KLRC3: variants seen among roughly 807,000 people sequenced by gnomAD.
KLRC3 encodes the protein NKG2-E type II integral membrane protein.
KLRC3 carries 16 observed loss-of-function variants against 23.6 expected under a neutral mutation model. The ratio of observed to expected loss-of-function variants is 0.68; its 90% CI spans 0.46 to 1.03. The LOEUF is 1.03. KLRC3 is among the 50% of genes least tolerant of loss of function. The pLI is 0.00. For missense variants in KLRC3, 209 were observed against 232.2 expected, an observed-to-expected ratio of 0.90 and a Z score of 0.65; for synonymous variants, 70 against 71.8, an observed-to-expected ratio of 0.98 and a Z score of 0.13.
intron 5 of KLRC3, 150 bp from the exon 6 acceptor site, chr12:10,415,944 C>A (rs564720033): frequency 5.4e-5 from 34 of 630,988 alleles, no homozygotes; most frequent in Non-Finnish European, 9.2e-5. Flanking sequence ...TTATTCTGAA[C>A]ACTCAATACA....
chr12:10,418,293 T>C, intron 4 of KLRC3, 51 bp downstream of exon 4: 1 of 1,502,532 alleles, frequency 6.7e-7, no homozygotes, highest in Non-Finnish European at 9.2e-7. Flanking sequence ...ACAAATGTAT[T>C]ATTCACTGAA....
At chr12:10,416,312 A>G (rs2682497) in intron 5 of KLRC3, among the ~76,000 whole-genome samples, 2,111 of 152,250 alleles carry the variant, frequency 0.014, 43 homozygotes, top group African/African-American at 0.048. Context: ...ACAAATACAT[A>G]AGCTTTCTTA....
intron 6 of KLRC3, among the ~76,000 whole-genome samples, chr12:10,413,321 T>C (rs1408169558): frequency 2.0e-5 from 3 of 152,192 alleles, no homozygotes; most frequent in Non-Finnish European, 4.4e-5. Context: ...CACAAAGGAC[T>C]ACTAAGGGAA....
At chr12:10,418,605 G>A in intron 3 of KLRC3, 107 bp from the exon 4 acceptor site, 1 of 1,250,086 alleles carries the variant, frequency 8.0e-7, no homozygotes, top group Non-Finnish European at 1.1e-6. Context: ...ACATATTTAT[G>A]CATCCTTACA....
In KLRC3 at chr12:10,413,528, T is replaced by C. The variant is rs550798584; in HGVS notation, c.679-912A>G. ...GAAATCTGAGTAAACCCTACATGTATTGAAGAAATTCAGTTTAGCCATAAA... is the reference window on the plus strand; with the variant it reads ...GAAATCTGAGTAAACCCTACATGTACTGAAGAAATTCAGTTTAGCCATAAA... On this transcript the variant is annotated intron_variant, in intron 6 of 6. Coordinates refer to ENST00000396439, the MANE Select transcript of KLRC3 (RefSeq NM_002261.3). Among the ~76,000 whole-genome samples, 5 of 152,216 alleles carry C rather than the reference T, an allele frequency of 3.3e-5. No individual in the cohort carries two copies. The South Asian group carries it at 8.3e-4, about 25-fold the overall frequency.
At chr12:10,416,627 C>T (rs755108666) in intron 5 of KLRC3, 40 bp downstream of exon 5, 3 of 1,570,516 alleles carry the variant, frequency 1.9e-6, no homozygotes, top group East Asian at 2.3e-5. Flanking sequence ...TGAATTTATC[C>T]TTTATATTTT....
intron 6 of KLRC3, among the ~76,000 whole-genome samples, chr12:10,414,435 G>T (rs1203510814): frequency 6.6e-6 from 1 of 151,676 alleles, no homozygotes; most frequent in Non-Finnish European, 1.5e-5. Flanking sequence ...ACCAGAAAAT[G>T]ATACATATGA....
intron 4 of KLRC3, among the ~76,000 whole-genome samples, chr12:10,417,014 T>C (rs1863654543): frequency 6.6e-6 from 1 of 151,984 alleles, no homozygotes; most frequent in African/African-American, 2.4e-5. Context: ...AGGAAGGGTT[T>C]TAATAAGTTT....
intron 6 of KLRC3, among the ~76,000 whole-genome samples, chr12:10,414,575 A>C (rs995163290): frequency 3.0e-5 from 4 of 132,028 alleles, no homozygotes; most frequent in Non-Finnish European, 6.2e-5. Context: ...TTTGCAGGAC[A>C]CAGGCAGGGG....
intron 3 of KLRC3, among the ~76,000 whole-genome samples, 173 bp from the exon 4 acceptor site, chr12:10,418,671 A>C (rs35057849): frequency 3.3e-5 from 5 of 152,206 alleles, no homozygotes; most frequent in African/African-American, 7.2e-5. Context: ...CATACACAGA[A>C]AAGGGTTAGC....
intron 6 of KLRC3, among the ~76,000 whole-genome samples, chr12:10,413,753 T>C (rs1283672812): frequency 1.3e-5 from 2 of 152,160 alleles, no homozygotes; most frequent in African/African-American, 4.8e-5. Flanking sequence ...ACATTAGGTA[T>C]TTCTCCTAAT....
In KLRC3 at chr12:10,418,389, T is replaced by G. The variant is rs555496450; in HGVS notation, c.441A>C (p.Ser147=). The G allele has an allele frequency of 6.8e-6, 11 of 1,612,054 alleles. No individual in the cohort carries two copies. Among genetic ancestry groups the G allele is most frequent in the Non-Finnish European group, 9.3e-6 (11 of 1,178,368 alleles). The change falls in exon 4 of 7, where the codon TCA becomes TCC. Residue 147 remains serine, a synonymous_variant. Coordinates refer to ENST00000396439, the MANE Select transcript of KLRC3 (RefSeq NM_002261.3). The part of the protein sequence containing the change: ...TWEESLQACA[S]KNSSSLLCID... ...TACAAAGCAGACTAGAAGAGTTCTT[T>G]GAAGCACAGGCCTGCAAACTCTCTT... is the stretch of plus-strand genomic sequence containing the variant.
intron 3 of KLRC3, among the ~76,000 whole-genome samples, chr12:10,418,832 T>A (rs1362936213): frequency 6.6e-6 from 1 of 152,072 alleles, no homozygotes; most frequent in Non-Finnish European, 1.5e-5. Flanking sequence ...GAGACTTCTG[T>A]TAATTGGGAG....
chr12:10,414,378 C>T (rs1015275855), intron 6 of KLRC3, among the ~76,000 whole-genome samples: 12 of 150,942 alleles, frequency 8.0e-5, no homozygotes, highest in Non-Finnish European at 1.6e-4. Flanking sequence ...GAAAAAAACA[C>T]CAAACTTTGT....
chr12:10,413,394 T>C (rs991612166), intron 6 of KLRC3, among the ~76,000 whole-genome samples: 2 of 152,186 alleles, frequency 1.3e-5, no homozygotes, highest in African/African-American at 4.8e-5. Flanking sequence ...TTATGGTCTT[T>C]ACAGTTATTA....
At position 10,415,772 on chromosome 12, in the gene KLRC3, C is replaced by A; in HGVS notation, c.610G>T (p.Glu204Ter). ...ACATGTAGCATTGCACAGTTACGTTCAGCATGATCTGAGTCTTTTATCCTG... is the reference window on the plus strand; with the variant it reads ...ACATGTAGCATTGCACAGTTACGTTAAGCATGATCTGAGTCTTTTATCCTG... Reference protein sequence around the residue: ...KHEIKDSDHAERNCAMLHVRG... With the variant: ...KHEIKDSDHA Residue 204 changes from glutamate (E) to a stop codon, truncating the protein, a stop_gained, in exon 6 of 7, where the codon GAA becomes TAA. Coordinates refer to ENST00000396439, the MANE Select transcript of KLRC3 (RefSeq NM_002261.3). LOFTEE classifies it high-confidence loss of function. The A allele has an allele frequency of 1.2e-6, 2 of 1,611,108 alleles. No homozygotes were observed. Among genetic ancestry groups the A allele is most frequent in the South Asian group, 2.2e-5 (2 of 90,446 alleles).
chr12:10,418,294 A>G (rs1242857103), intron 4 of KLRC3, 50 bp downstream of exon 4: 7 of 1,503,510 alleles, frequency 4.7e-6, no homozygotes, highest in Non-Finnish European at 6.4e-6. Flanking sequence ...CAAATGTATT[A>G]TTCACTGAAA....
chr12:10,414,194 G>GT (rs1240311826), intron 6 of KLRC3, among the ~76,000 whole-genome samples: 2 of 152,052 alleles, frequency 1.3e-5, no homozygotes, highest in Non-Finnish European at 2.9e-5. Flanking sequence ...GCATGGATTT[G>GT]TTTCGGAAAC....
intron 6 of KLRC3, among the ~76,000 whole-genome samples, chr12:10,415,294 A>G (rs928259688): frequency 6.6e-6 from 1 of 152,194 alleles, no homozygotes; most frequent in Admixed American, 6.5e-5. Flanking sequence ...GAAATTTAGA[A>G]AGTTTTCATC....
Sources: allele counts gnomAD v4.1 joint callset (sites outside exome capture counted in the v4.1 genomes callset), GRCh38; gene constraint gnomAD v4.1.1; transcripts MANE v1.5; gene names NCBI Gene and HGNC (gene_info 2026-07-23, HGNC 2026-07-21).